Variants in MICAL3 observed in about 807,000 individuals in gnomAD.
MICAL3 encodes the protein [F-actin]-monooxygenase MICAL3.
Under a neutral mutation model 207.4 loss-of-function variants are expected in MICAL3, and 62 were observed. That is an observed-to-expected ratio of 0.30 (90% CI 0.24 to 0.37). MICAL3 has a LOEUF of 0.37. MICAL3 is among the 10% of genes least tolerant of loss of function. MICAL3 has a pLI of 1.00. For synonymous variants in MICAL3, 1,077 were observed against 1,069.3 expected, an observed-to-expected ratio of 1.01 and a Z score of -0.14; for missense variants, 2,368 against 2,635.6, an observed-to-expected ratio of 0.90 and a Z score of 2.22.
chr22:17,965,505 G>A (rs775003023), intron 1 of MICAL3, among the ~76,000 whole-genome samples: 1 of 152,174 alleles, frequency 6.6e-6, no homozygotes, highest in Non-Finnish European at 1.5e-5. Flanking sequence ...TGATGAAGAT[G>A]AGGCCCCCAG....
chr22:17,976,951 C>T (rs375781604), intron 1 of MICAL3, among the ~76,000 whole-genome samples: 9 of 151,954 alleles, frequency 5.9e-5, no homozygotes, highest in South Asian at 2.1e-4. Context: ...GGACTACAGG[C>T]GCCCGCCACC....
chr22:17,803,450 C>CT (rs993468477), intron 29 of MICAL3: 5 of 152,024 alleles, frequency 3.3e-5, no homozygotes, highest in African/African-American at 1.2e-4. Flanking sequence ...AGCTCCCTAG[C>CT]AGATATGATT....
chr22:17,822,799 T>G (rs1601973779), intron 23 of MICAL3, 148 bp downstream of exon 23: 1 of 575,938 alleles, frequency 1.7e-6, no homozygotes, highest in Non-Finnish European at 3.1e-6. Flanking sequence ...GGTGGTTGGG[T>G]GGAATGAGAT....
chr22:17,879,502 A>G, intron 16 of MICAL3: 3 of 914,494 alleles, frequency 3.3e-6, no homozygotes, highest in East Asian at 2.6e-5. Context: ...GCAGAGTTCA[A>G]CACATATCGC....
intron 1 of MICAL3, among the ~76,000 whole-genome samples, chr22:17,924,263 G>A (rs1403050458): frequency 6.6e-6 from 1 of 152,162 alleles, no homozygotes; most frequent in Non-Finnish European, 1.5e-5. Context: ...ATCCTGGAGA[G>A]CTCTGTGTCT....
rs751430845 is a variant in MICAL3, at chr22:17,842,010, G to A, written c.2613C>T (p.Gly871=). The A allele has an allele frequency of 1.1e-4, 181 of 1,600,600 alleles. No homozygotes were observed. Among genetic ancestry groups the A allele is most frequent in the Non-Finnish European group, 1.3e-4 (159 of 1,178,866 alleles). The change falls in exon 20 of 32, where the codon GGC becomes GGT. Residue 871 remains glycine, a synonymous_variant. Coordinates refer to ENST00000441493, the MANE Select transcript of MICAL3 (RefSeq NM_015241.3). The part of the protein sequence containing the change: ...ASSTERTPGS[G]VNGLEEPSIA... ...TGCTGGGCTCCTCCAGGCCGTTCAC[G>A]CCTGAACCTGCGGGACAAGCACAGA... is the stretch of plus-strand genomic sequence containing the variant.
At chr22:17,854,257 C>A (rs1158888655) in intron 19 of MICAL3, among the ~76,000 whole-genome samples, 4 of 152,058 alleles carry the variant, frequency 2.6e-5, no homozygotes, top group African/African-American at 9.7e-5. Context: ...TGGGGAGAGG[C>A]CAGGGACACA....
chr22:17,853,074 CAAA>C (rs35015407), intron 19 of MICAL3, among the ~76,000 whole-genome samples: 4 of 113,012 alleles, frequency 3.5e-5, no homozygotes, highest in Non-Finnish European at 5.7e-5. Context: ...GACTCCATCT[CAAA>C]AAAAAAAAAA....
At position 17,788,618 on chromosome 22, in the gene MICAL3, C is replaced by G. The variant is rs1174326665; in HGVS notation, c.*2114G>C. On this transcript the variant is annotated 3_prime_UTR_variant, in exon 32 of 32. Coordinates refer to ENST00000441493, the MANE Select transcript of MICAL3 (RefSeq NM_015241.3). ...GGGTTTGAAGATGGAATCTAGAAACCCTCCTCTCCCCTTTTTTAAGTAAAG... is the reference window on the plus strand; with the variant it reads ...GGGTTTGAAGATGGAATCTAGAAACGCTCCTCTCCCCTTTTTTAAGTAAAG... 6.6e-6 allele frequency: 1 copy of G among 152,200 alleles called. No homozygotes were observed. Among genetic ancestry groups the G allele is most frequent in the African/African-American group, 2.4e-5 (1 of 41,446 alleles). 9.4% of individuals were successfully genotyped at this position (152,200 alleles called of 1,614,324 possible).
Position 17,881,029 on chromosome 22 carries a change from T to A in MICAL3, c.2241+4849A>T, listed in dbSNP as rs537589234. ...ACTAGGGTCAGGTGTGAATGTAGGA[T>A]GCACCATCCTGAGGGCCATAAAAGT... On this transcript the variant is annotated intron_variant, in intron 16 of 31. Coordinates refer to ENST00000441493, the MANE Select transcript of MICAL3 (RefSeq NM_015241.3). Among the ~76,000 whole-genome samples, 3 of 152,310 alleles carry A rather than the reference T, an allele frequency of 2.0e-5. No homozygotes were observed. In the South Asian group the frequency reaches 6.2e-4, roughly 32 times the overall value.
chr22:17,884,529 G>GCTAACAGCCTC (rs1312008595), intron 16 of MICAL3, among the ~76,000 whole-genome samples: 1 of 152,226 alleles, frequency 6.6e-6, no homozygotes, highest in Non-Finnish European at 1.5e-5. Context: ...CTAAAGCAAA[G>GCTAACAGCCTC]CTAACAGCCT....
At chr22:17,820,666 T>C (rs1410260719) in intron 25 of MICAL3, among the ~76,000 whole-genome samples, 1 of 152,230 alleles carries the variant, frequency 6.6e-6, no homozygotes, top group East Asian at 1.9e-4. Flanking sequence ...ATGTTGTAAA[T>C]TTCAATGGTT....
chr22:18,024,005 T>C (rs1003078721), intron 1 of MICAL3, among the ~76,000 whole-genome samples: 1 of 152,180 alleles, frequency 6.6e-6, no homozygotes, highest in Non-Finnish European at 1.5e-5. Context: ...AGCCCTGCTC[T>C]CTGGCAGGCT....
chr22:17,817,465 G>C lies in MICAL3; in HGVS notation c.5196C>G (p.Ala1732=). ...TCCACAGGGACTTGGGTTTGGCGGC[G>C]GCTTCTTCTAGGAGGTTGGAGCTGG... ...EKPSSNLLEE[A]AAKPKSLWKS... Residue 1732 remains alanine (A), a synonymous_variant, in exon 26 of 32, where the codon GCC becomes GCG. Coordinates refer to ENST00000441493, the MANE Select transcript of MICAL3 (RefSeq NM_015241.3). The C allele has an allele frequency of 6.2e-7, 1 of 1,613,754 alleles. No individual in the cohort carries two copies. Among genetic ancestry groups the C allele is most frequent in the Non-Finnish European group, 8.5e-7 (1 of 1,179,864 alleles).
At chr22:17,795,125 C>G (rs1376440936) in intron 29 of MICAL3, among the ~76,000 whole-genome samples, 1 of 152,228 alleles carries the variant, frequency 6.6e-6, no homozygotes, top group Non-Finnish European at 1.5e-5. Context: ...ACTTCAAAAC[C>G]AAAGCCAGGG....
At chr22:18,017,084 A>G (rs994652990) in intron 1 of MICAL3, among the ~76,000 whole-genome samples, 3 of 152,244 alleles carry the variant, frequency 2.0e-5, no homozygotes, top group African/African-American at 4.8e-5. Context: ...CACCACACTC[A>G]GGAAAAAAGC....
chr22:17,834,071 G>A (rs1224099574), intron 20 of MICAL3, among the ~76,000 whole-genome samples: 1 of 152,298 alleles, frequency 6.6e-6, no homozygotes, highest in Non-Finnish European at 1.5e-5. Flanking sequence ...GGGAGACTCC[G>A]GAATTCGCCA....
intron 1 of MICAL3, among the ~76,000 whole-genome samples, chr22:17,969,550 C>T (rs1290468033): frequency 6.6e-6 from 1 of 151,932 alleles, no homozygotes; most frequent in Non-Finnish European, 1.5e-5. Context: ...CTTCTTCCTT[C>T]TTCCCTGCCA....
At chr22:18,020,445 C>T (rs8137526) in intron 1 of MICAL3, among the ~76,000 whole-genome samples, 31,427 of 150,722 alleles carry the variant, frequency 0.21, 3,826 homozygotes, top group East Asian at 0.38. Context: ...AATATTATGA[C>T]CAAGAGTTTT....
Sources: allele counts gnomAD v4.1 joint callset (sites outside exome capture counted in the v4.1 genomes callset), GRCh38; gene constraint gnomAD v4.1.1; transcripts MANE v1.5; gene names NCBI Gene and HGNC (gene_info 2026-07-23, HGNC 2026-07-21).